The following GFPT1 variants were observed in gnomAD, a reference collection of about 807,000 sequenced individuals.
GFPT1 encodes glutamine--fructose-6-phosphate transaminase 1, also known as glutamine--fructose-6-phosphate aminotransferase [isomerizing] 1.
GFPT1 carries 40 observed loss-of-function variants against 92.0 expected under a neutral mutation model. That is an observed-to-expected ratio of 0.43 (90% CI 0.34 to 0.57). The LOEUF is 0.57. Ranked by LOEUF, GFPT1 falls within the 20% of genes least tolerant of loss-of-function variation. The probability of loss-of-function intolerance (pLI) is 0.02; values close to 1 mark genes in which losing one functional copy is unlikely to be tolerated. For synonymous variants in GFPT1, 269 were observed against 280.6 expected (o/e 0.96, Z 0.41); for missense variants, 448 against 869.1 (o/e 0.52, Z 6.09).
Position 69,329,793 on chromosome 2 carries a change from A to ACAAAGACACTCATATATTACACTTTTG in GFPT1, c.1487_1488insCAAAAGTGTAATATATGAGTGTCTTTG (p.Tyr496_Thr497insLysSerValIleTyrGluCysLeuCys). On this transcript the variant is annotated inframe_insertion, in exon 16 of 20. Coordinates refer to ENST00000357308, the MANE Select transcript of GFPT1 (RefSeq NM_001244710.2). ...TCACAAGGGATACAAACTGGCTGGT[A>ACAAAGACACTCATATATTACACTTTTG]TAAGCCTGAAACATCACAAAAAAGC... 6.4e-7 allele frequency: 1 copy of ACAAAGACACTCATATATTACACTTTTG among 1,556,190 alleles called. No individual in the cohort carries two copies. Among genetic ancestry groups the ACAAAGACACTCATATATTACACTTTTG allele is most frequent in the Non-Finnish European group, 8.9e-7 (1 of 1,126,912 alleles).
intron 4 of GFPT1, among the ~76,000 whole-genome samples, chr2:69,361,956 G>A (rs1671482443): frequency 6.6e-6 from 1 of 152,294 alleles, no homozygotes. Flanking sequence ...CCCAGCCTGG[G>A]TGGAGGAGTG....
rs1199282027 is a variant in GFPT1 at position 69,326,067 on chromosome 2, T to C, written c.*122A>G. ...TTGAGTGGAATAATTATAACTGATA[T>C]ATAAATAAGGATTTACTAAAAAAAG... is the stretch of plus-strand genomic sequence containing the variant. On this transcript the variant is annotated 3_prime_UTR_variant, in exon 20 of 20. Transcript: ENST00000357308. 5 of 661,832 alleles carry C rather than the reference T, an allele frequency of 7.6e-6. No homozygotes were observed. The highest frequency in any genetic ancestry group is 2.7e-5 in the East Asian group (1 of 36,684). 41.0% of individuals were successfully genotyped at this position (661,832 alleles called of 1,614,324 possible).
At chr2:69,327,315 C>T (rs140007161) in intron 18 of GFPT1, among the ~76,000 whole-genome samples, 1 of 152,318 alleles carries the variant, frequency 6.6e-6, no homozygotes, top group Non-Finnish European at 1.5e-5. Context: ...TAGTACTTGA[C>T]TGCAGGTTTG....
rs745537777 is a variant in GFPT1 at position 69,329,664 on chromosome 2, A to C, written c.1597+20T>G. The C allele has an allele frequency of 1.0e-5, 15 of 1,490,346 alleles. No individual in the cohort carries two copies. The highest frequency in any genetic ancestry group is 1.2e-5 in the Non-Finnish European group (13 of 1,066,958). The allele number at this position is 1,490,346 out of a possible 1,614,324, so 92.3% of individuals were successfully genotyped here. ...CACTCCCTTAGACAACAAAAGTGTA[A>C]TATATGAGTGTCTTTGTACCAGGCA... On this transcript the variant is annotated intron_variant, in intron 16 of 19. Transcript: ENST00000357308.
At chr2:69,384,746 G>A (rs1672092040) in intron 1 of GFPT1, among the ~76,000 whole-genome samples, 6 of 126,572 alleles carry the variant, frequency 4.7e-5, no homozygotes, top group African/African-American at 8.6e-5. Context: ...AGAAGAGAAA[G>A]AAAGAAAGAG....
At chr2:69,354,841 A>AC (rs1453368878) in intron 7 of GFPT1, among the ~76,000 whole-genome samples, 1 of 151,982 alleles carries the variant, frequency 6.6e-6, no homozygotes, top group Non-Finnish European at 1.5e-5. Context: ...ACATGGCAAA[A>AC]CCCCGTCTCC....
In GFPT1 at chr2:69,376,069, A is replaced by C. The variant is rs544747345; in HGVS notation, c.8-1956T>G. Among the ~76,000 whole-genome samples the C allele has an allele frequency of 8.8e-4, 134 of 152,374 alleles. 2 individuals are homozygous for C. The highest frequency in any genetic ancestry group is 2.9e-3 in the South Asian group (14 of 4,832). The stretch of plus-strand genomic sequence containing the variant: ...GTAATATGAATAAACGAATAACCCA[A>C]TTGTAAATCAAACTTTGCACTCTTC... On this transcript the variant is annotated intron_variant, in intron 1 of 19. Coordinates refer to ENST00000357308, the MANE Select transcript of GFPT1 (RefSeq NM_001244710.2).
rs115341491 is a variant in GFPT1, at chr2:69,366,672, C to T, written c.224-3002G>A. Among the ~76,000 whole-genome samples, 446 of 152,312 alleles carry T rather than the reference C, an allele frequency of 2.9e-3. 6 individuals are homozygous for T. Among genetic ancestry groups the T allele is most frequent in the African/African-American group, 0.01 (424 of 41,560 alleles). On this transcript the variant is annotated intron_variant, in intron 3 of 19. Coordinates refer to ENST00000357308, the MANE Select transcript of GFPT1 (RefSeq NM_001244710.2). ...AATCCTACCTGCAATCCCTCAATTTCCACTTTACTCAGCTTTTGTCCTCTC... is the reference window on the plus strand; with the variant it reads ...AATCCTACCTGCAATCCCTCAATTTTCACTTTACTCAGCTTTTGTCCTCTC...
chr2:69,363,668 G>T lies in GFPT1; in HGVS notation c.226C>A (p.Gln76Lys), dbSNP rs1157635106. Residue 76 changes from glutamine (Q) to lysine (K), a missense_variant and splice_region_variant, in exon 4 of 20, where the codon CAA becomes AAA. Around this residue, in one of 7 missense-constraint regions of GFPT1, gnomAD observed 72 missense variants for 95.1 expected, o/e 0.76. Transcript: ENST00000357308. ...TCTATATCCAAATCCATATCTTGTT[G>T]CTCTGAAGAATATGAAAAGAAAAAT... ...VKALDEEVHK[Q>K]QDMDLDIEFD... 1 of 1,601,236 alleles carries T rather than the reference G, an allele frequency of 6.2e-7. No homozygotes were observed. The highest frequency in any genetic ancestry group is 2.2e-5 in the East Asian group (1 of 44,822).
At chr2:69,344,663 T>TA (rs1019236110) in intron 12 of GFPT1, among the ~76,000 whole-genome samples, 5 of 151,990 alleles carry the variant, frequency 3.3e-5, no homozygotes, top group African/African-American at 9.7e-5. Flanking sequence ...TTTATTTTTT[T>TA]TTTTTGAGAC....
Position 69,325,871 on chromosome 2 carries a change from T to C in GFPT1, c.*318A>G, listed in dbSNP as rs969357404. ...AAACAAGTACCAATTTTTAGAAACA[T>C]ATTGTCTTCTCAGATTGAAGTGGAG... On this transcript the variant is annotated 3_prime_UTR_variant, in exon 20 of 20. Transcript: ENST00000357308. The C allele has an allele frequency of 1.1e-4, 30 of 266,356 alleles. No homozygotes were observed. The highest frequency in any genetic ancestry group is 5.8e-4 in the African/African-American group (26 of 44,466). 16.5% of individuals were successfully genotyped at this position (266,356 alleles called of 1,614,324 possible).
At chr2:69,354,946 G>A (rs184618131) in intron 7 of GFPT1, among the ~76,000 whole-genome samples, 8 of 152,302 alleles carry the variant, frequency 5.3e-5, no homozygotes, top group African/African-American at 1.7e-4. Flanking sequence ...GAAGGTTGGA[G>A]TGAGCCAAGA....
chr2:69,366,411 T>C (rs956999077), intron 3 of GFPT1, among the ~76,000 whole-genome samples: 4 of 152,192 alleles, frequency 2.6e-5, no homozygotes, highest in Non-Finnish European at 5.9e-5. Context: ...TTAAAGCCCT[T>C]TGCTGAATCT....
chr2:69,326,104 T>A lies in GFPT1; in HGVS notation c.*85A>T. ...TTTACTAAAAAAAGGCTTCAAGGGG[T>A]GATATTTTAAATCAAGGTTTTAAAT... On this transcript the variant is annotated 3_prime_UTR_variant, in exon 20 of 20. Transcript: ENST00000357308. 3.6e-6 allele frequency: 3 copies of A among 832,512 alleles called. No homozygotes were observed. Among genetic ancestry groups the A allele is most frequent in the Admixed American group, 2.0e-5 (1 of 49,510 alleles). 51.6% of individuals were successfully genotyped at this position (832,512 alleles called of 1,614,324 possible). A position where few individuals can be genotyped will look rare whatever the true frequency, so the allele number is the denominator to read the frequency against.
intron 9 of GFPT1, among the ~76,000 whole-genome samples, chr2:69,352,638 C>A (rs932063844): frequency 4.8e-3 from 344 of 71,150 alleles, no homozygotes; most frequent in African/African-American, 0.013. Context: ...AAAAAAAAAA[C>A]AACTACTTTT....
intron 1 of GFPT1, 57 bp from the exon 2 acceptor site, chr2:69,374,170 T>C: frequency 3.5e-6 from 3 of 848,630 alleles, no homozygotes; most frequent in South Asian, 1.4e-5. Context: ...AAAATTAGCA[T>C]AATTATGTCA....
At chr2:69,383,371 A>T (rs528532426) in intron 1 of GFPT1, among the ~76,000 whole-genome samples, 1 of 152,332 alleles carries the variant, frequency 6.6e-6, no homozygotes, top group East Asian at 1.9e-4. Flanking sequence ...AGAAATGCTT[A>T]TTAAGCAATT....
chr2:69,359,358 A>C (rs1220290073), intron 4 of GFPT1, 32 bp from the exon 5 acceptor site: 17 of 1,272,104 alleles, frequency 1.3e-5, no homozygotes, highest in Non-Finnish European at 2.0e-5. Context: ...AAGACAAAAA[A>C]GTTAGAAGTA....
intron 4 of GFPT1, 63 bp from the exon 5 acceptor site, chr2:69,359,389 T>G: frequency 4.4e-6 from 4 of 915,580 alleles, no homozygotes; most frequent in Non-Finnish European, 7.2e-6. Context: ...AAAATAGCTA[T>G]TACTCTAACT....
Sources: allele counts gnomAD v4.1 joint callset (sites outside exome capture counted in the v4.1 genomes callset), GRCh38; gene constraint gnomAD v4.1.1; regional missense constraint gnomAD v4.1.1; transcripts MANE v1.5; gene names NCBI Gene and HGNC (gene_info 2026-07-23, HGNC 2026-07-21).